PCOLCE2: variants seen among roughly 807,000 people sequenced by gnomAD.
PCOLCE2 encodes the protein procollagen C-proteinase enhancer 2.
Under a neutral mutation model 47.0 loss-of-function variants are expected in PCOLCE2, and 42 were observed. The ratio of observed to expected loss-of-function variants is 0.89; its 90% CI spans 0.70 to 1.16. The LOEUF is 1.16. PCOLCE2 is among the 50% of genes most tolerant of loss of function. The pLI is 0.00. For missense variants in PCOLCE2, 500 were observed against 526.1 expected (o/e 0.95, Z 0.49); for synonymous variants, 169 against 191.7 (o/e 0.88, Z 0.98).
chr3:142,832,771 C>T (rs1937165385), intron 5 of PCOLCE2, among the ~76,000 whole-genome samples: 1 of 151,898 alleles, frequency 6.6e-6, no homozygotes, highest in Non-Finnish European at 1.5e-5. Context: ...TTGATCTACA[C>T]TGAATCAAAC....
intron 2 of PCOLCE2, among the ~76,000 whole-genome samples, chr3:142,871,748 A>G (rs1933389166): frequency 6.6e-6 from 1 of 152,222 alleles, no homozygotes; most frequent in African/African-American, 2.4e-5. Flanking sequence ...TAATCCCACA[A>G]TCACATAAAC....
At chr3:142,849,434 C>T (rs1269300616) in intron 2 of PCOLCE2, among the ~76,000 whole-genome samples, 4 of 152,054 alleles carry the variant, frequency 2.6e-5, no homozygotes, top group East Asian at 1.9e-4. Context: ...AGACACAATG[C>T]GCTAATGAAG....
chr3:142,853,605 C>T (rs1246381662), intron 2 of PCOLCE2, among the ~76,000 whole-genome samples: 3 of 152,220 alleles, frequency 2.0e-5, no homozygotes, highest in Admixed American at 2.0e-4. Flanking sequence ...CTACTGCTGG[C>T]TCCACCTTTT....
At chr3:142,827,975 A>G (rs998797343) in intron 6 of PCOLCE2, among the ~76,000 whole-genome samples, 4 of 152,290 alleles carry the variant, frequency 2.6e-5, no homozygotes, top group African/African-American at 4.8e-5. Context: ...CCCTAGTCCA[A>G]TGAATCACCA....
At chr3:142,836,560 T>C (rs1051148199) in intron 5 of PCOLCE2, among the ~76,000 whole-genome samples, 1 of 152,220 alleles carries the variant, frequency 6.6e-6, no homozygotes, top group African/African-American at 2.4e-5. Flanking sequence ...TCTTAATCTT[T>C]AGGAATGTTG....
At chr3:142,885,480 T>C (rs564081466) in intron 2 of PCOLCE2, among the ~76,000 whole-genome samples, 2 of 152,310 alleles carry the variant, frequency 1.3e-5, no homozygotes, top group South Asian at 2.1e-4. Context: ...AAACCTTTAA[T>C]AGATGGCCTT....
chr3:142,875,462 C>G (rs572164541), intron 2 of PCOLCE2, among the ~76,000 whole-genome samples: 76 of 152,202 alleles, frequency 5.0e-4, no homozygotes, highest in Non-Finnish European at 8.8e-4. Flanking sequence ...AGTTCCACTC[C>G]TGACTACAAA....
chr3:142,875,473 A>ATG (rs1013832141), intron 2 of PCOLCE2, among the ~76,000 whole-genome samples: 2 of 151,944 alleles, frequency 1.3e-5, no homozygotes, highest in African/African-American at 4.9e-5. Flanking sequence ...TGACTACAAA[A>ATG]TGCAAAGGAA....
chr3:142,873,982 G>A (rs1381000141), intron 2 of PCOLCE2, among the ~76,000 whole-genome samples: 1 of 152,202 alleles, frequency 6.6e-6, no homozygotes, highest in Non-Finnish European at 1.5e-5. Context: ...CATGTTGCAG[G>A]AGGAGCCTGG....
chr3:142,836,400 A>C (rs1263282224), intron 5 of PCOLCE2, among the ~76,000 whole-genome samples: 2 of 152,218 alleles, frequency 1.3e-5, no homozygotes, highest in Middle Eastern at 3.2e-3. Flanking sequence ...GTTAGAATGA[A>C]GTGCTAGGCT....
At chr3:142,820,805 T>A in intron 8 of PCOLCE2, 73 bp downstream of exon 8, 2 of 1,327,922 alleles carry the variant, frequency 1.5e-6, no homozygotes, top group Non-Finnish European at 2.1e-6. Context: ...GCCCTGATTT[T>A]ACTTCCCTAG....
rs1316429916 is a variant in PCOLCE2 at position 142,855,590 on chromosome 3, G to A, written c.193-7118C>T. ...GGCTGAGGAGATGCTCCCAAACCTT[G>A]TTTCTTCTCAGGTCACACATGGAGT... On this transcript the variant is annotated intron_variant, in intron 2 of 8. Transcript: ENST00000295992. Among the ~76,000 whole-genome samples the A allele has an allele frequency of 2.6e-5, 4 of 152,058 alleles. No homozygotes were observed. In the East Asian group the frequency reaches 7.7e-4, roughly 29 times the overall value.
intron 2 of PCOLCE2, among the ~76,000 whole-genome samples, chr3:142,876,023 G>T (rs4147504): frequency 3.7e-4 from 57 of 152,312 alleles, no homozygotes; most frequent in South Asian, 3.1e-3. Flanking sequence ...ATAAATCATT[G>T]CACCCAAAGG....
At chr3:142,887,995 A>G (rs768585149) in intron 1 of PCOLCE2, among the ~76,000 whole-genome samples, 1 of 152,224 alleles carries the variant, frequency 6.6e-6, no homozygotes, top group Non-Finnish European at 1.5e-5. Context: ...TCTCCATCAT[A>G]ATAACACAAG....
At chr3:142,860,667 C>T (rs1431502451) in intron 2 of PCOLCE2, among the ~76,000 whole-genome samples, 1 of 152,218 alleles carries the variant, frequency 6.6e-6, no homozygotes, top group East Asian at 1.9e-4. Context: ...CTCGGCCTCC[C>T]AAAGTGCTAG....
At chr3:142,827,335 G>T in intron 6 of PCOLCE2, 1 of 1,426,604 alleles carries the variant, frequency 7.0e-7, no homozygotes, top group Non-Finnish European at 9.9e-7. Context: ...CCTTCAAGAT[G>T]GGTTTGTCAG....
intron 8 of PCOLCE2, among the ~76,000 whole-genome samples, chr3:142,820,113 T>TC (rs1464049001): frequency 2.6e-5 from 4 of 151,950 alleles, no homozygotes; most frequent in African/African-American, 9.7e-5. Context: ...TTAAATTTTT[T>TC]TTTTTTTTAT....
In PCOLCE2 at chr3:142,827,619, T is replaced by C; in HGVS notation, c.865+2073A>G. On this transcript the variant is annotated intron_variant, in intron 6 of 8. Coordinates refer to ENST00000295992, the MANE Select transcript of PCOLCE2 (RefSeq NM_013363.4). ...TTGCCGCAATACACAAACTGGCCCG[T>C]GTGAATGCCCTCGGCAGCAATGAAA... 6 of 1,472,316 alleles carry C rather than the reference T, an allele frequency of 4.1e-6. No individual in the cohort carries two copies. In the South Asian group the frequency reaches 6.8e-5, roughly 17 times the overall value. 91.2% of individuals were successfully genotyped at this position (1,472,316 alleles called of 1,614,324 possible).
At chr3:142,888,002 C>A (rs1933747118) in intron 1 of PCOLCE2, among the ~76,000 whole-genome samples, 1 of 152,162 alleles carries the variant, frequency 6.6e-6, no homozygotes, top group African/African-American at 2.4e-5. Context: ...CATAATAACA[C>A]AAGATTATAT....
Sources: allele counts gnomAD v4.1 joint callset (sites outside exome capture counted in the v4.1 genomes callset), GRCh38; gene constraint gnomAD v4.1.1; transcripts MANE v1.5; gene names NCBI Gene and HGNC (gene_info 2026-07-23, HGNC 2026-07-21).